TACC2: variants seen among roughly 807,000 people sequenced by gnomAD.
TACC2 encodes transforming acidic coiled-coil containing protein 2, also known as transforming acidic coiled-coil-containing protein 2.
In TACC2, 137 loss-of-function variants were observed where a neutral mutation model predicts 227.3. The ratio of observed to expected loss-of-function variants is 0.60; its 90% CI spans 0.52 to 0.69. The LOEUF (loss-of-function observed/expected upper bound fraction) is 0.69, where lower values mean the gene tolerates loss of function less well. Among genes scored for constraint, TACC2 ranks in the 30% least tolerant of loss-of-function variants. The pLI, the probability that TACC2 is intolerant of heterozygous loss-of-function variation, is 0.00. For synonymous variants in TACC2, 1,523 were observed against 1,487.5 expected (o/e 1.02, Z -0.55); for missense variants, 3,470 against 3,694.4 (o/e 0.94, Z 1.57).
At chr10:122,008,347 G>A (rs1425325275) in intron 1 of TACC2, among the ~76,000 whole-genome samples, 1 of 149,508 alleles carries the variant, frequency 6.7e-6, no homozygotes, top group Non-Finnish European at 1.5e-5. Context: ...GCAACCTCTC[G>A]CCTCCCAGGT....
chr10:122,215,300 C>T (rs549201016), intron 9 of TACC2, 91 bp from the exon 10 acceptor site: 9 of 1,212,034 alleles, frequency 7.4e-6, no homozygotes, highest in East Asian at 4.7e-5. Flanking sequence ...CAGATGGCTC[C>T]GCAGAGGCAG....
intron 3 of TACC2, among the ~76,000 whole-genome samples, chr10:122,057,748 C>T (rs2076352714): frequency 6.6e-6 from 1 of 152,034 alleles, no homozygotes; most frequent in Non-Finnish European, 1.5e-5. Context: ...GAGGCTTGAA[C>T]CCAGGAGGTG....
At chr10:122,148,819 C>T (rs542931753) in intron 7 of TACC2, among the ~76,000 whole-genome samples, 22 of 152,302 alleles carry the variant, frequency 1.4e-4, no homozygotes, top group South Asian at 6.2e-4. Context: ...ATCATTAGGC[C>T]GTAGGCCTTG....
intron 3 of TACC2, among the ~76,000 whole-genome samples, chr10:122,053,760 C>T (rs891601325): frequency 1.3e-5 from 2 of 152,230 alleles, no homozygotes; most frequent in Admixed American, 6.5e-5. Flanking sequence ...TCTCCACTCT[C>T]AGGCGCATTG....
In TACC2 at chr10:122,088,462, T is replaced by C; in HGVS notation, c.5460-16T>C. 1 of 1,599,362 alleles carries C rather than the reference T, an allele frequency of 6.3e-7. No individual in the cohort carries two copies. The highest frequency in any genetic ancestry group is 8.5e-7 in the Non-Finnish European group (1 of 1,172,290). On this transcript the variant is annotated splice_polypyrimidine_tract_variant and intron_variant, in intron 4 of 22. Transcript: ENST00000369005. ...ATCTACATTATCCTATTAATTGCTT[T>C]CTTTTATTATCCCAGAGAGAGCCCC...
At chr10:122,119,539 A>G (rs555571136) in intron 5 of TACC2, among the ~76,000 whole-genome samples, 11 of 152,208 alleles carry the variant, frequency 7.2e-5, no homozygotes, top group African/African-American at 2.4e-4. Flanking sequence ...TGCTGTTTTG[A>G]TCAGGAGGAC....
At position 122,211,131 on chromosome 10, in the gene TACC2, C is replaced by T. The variant is rs770625460; in HGVS notation, c.6706C>T (p.Leu2236Phe). Reference protein sequence around the residue: ...SPPVGRKTLPLTTAPEAGEVT... With the variant: ...SPPVGRKTLPFTTAPEAGEVT... ...CCCTGTCGGGAGGAAAACGCTGCCTCTTACCACGGCCCCGGAGGCAGGGGA... is the reference window on the plus strand; with the variant it reads ...CCCTGTCGGGAGGAAAACGCTGCCTTTTACCACGGCCCCGGAGGCAGGGGA... The change falls in exon 9 of 23, where the codon CTT (leucine) becomes TTT (phenylalanine). Residue 2236 changes from leucine (L) to phenylalanine (F), a missense_variant. Coordinates refer to ENST00000369005, the MANE Select transcript of TACC2 (RefSeq NM_206862.4). 6.2e-7 allele frequency: 1 copy of T among 1,609,376 alleles called. No homozygotes were observed. Among genetic ancestry groups the T allele is most frequent in the East Asian group, 2.2e-5 (1 of 44,824 alleles).
At chr10:122,019,499 A>G (rs938689732) in intron 1 of TACC2, among the ~76,000 whole-genome samples, 8 of 152,222 alleles carry the variant, frequency 5.3e-5, no homozygotes, top group Non-Finnish European at 8.8e-5. Flanking sequence ...GCTCCTTGCA[A>G]AGGACAGTTC....
At position 122,211,636 on chromosome 10, in the gene TACC2, C is replaced by G; in HGVS notation, c.7211C>G (p.Ala2404Gly). 6.2e-7 allele frequency: 1 copy of G among 1,611,346 alleles called. No individual in the cohort carries two copies. Among genetic ancestry groups the G allele is most frequent in the South Asian group, 1.1e-5 (1 of 90,584 alleles). The change falls in exon 9 of 23, where the codon GCT (alanine) becomes GGT (glycine). Residue 2404 changes from alanine to glycine, a missense_variant. Ala to Gly is a moderately conservative substitution (Grantham distance 60, BLOSUM62 0). Coordinates refer to ENST00000369005, the MANE Select transcript of TACC2 (RefSeq NM_206862.4). ...GCCTCCTTTGAGATCCCAGCCAGTG[C>G]TATGGAAGCCAATGGAGTGGACGGG... ...SPASFEIPAS[A>G]MEANGVDGDG...
chr10:122,230,582 A>C (rs1376243084), intron 16 of TACC2, 142 bp downstream of exon 16: 1 of 697,668 alleles, frequency 1.4e-6, no homozygotes, highest in Non-Finnish European at 2.5e-6. Flanking sequence ...TGAAAGCGTC[A>C]CTCTTGCATA....
intron 5 of TACC2, among the ~76,000 whole-genome samples, chr10:122,098,960 T>A (rs870092): frequency 0.27 from 41,559 of 152,098 alleles, 5,961 homozygotes; most frequent in East Asian, 0.5. Flanking sequence ...CCTTGTGGAA[T>A]CTAGGGCTTT....
intron 9 of TACC2, among the ~76,000 whole-genome samples, chr10:122,214,016 C>T (rs776216975): frequency 6.6e-6 from 1 of 152,152 alleles, no homozygotes; most frequent in Non-Finnish European, 1.5e-5. Flanking sequence ...TGCCACTTGT[C>T]AGTAGAAACA....
In TACC2 at chr10:122,082,662, G is replaced by A. The variant is rs1401814880; in HGVS notation, c.162G>A (p.Gly54=). Reference sequence around the variant, plus strand: ...ATATTTTCAGCATTGGCAGCGTTGGGCTTGGAGGCTTCTGCACCGCTTCTG... The same window carrying A: ...ATATTTTCAGCATTGGCAGCGTTGGACTTGGAGGCTTCTGCACCGCTTCTG... The part of the protein sequence containing the change: ...HRDASSIGSV[G]LGGFCTASES... Residue 54 remains glycine (G), a synonymous_variant, in exon 4 of 23, where the codon GGG becomes GGA. Coordinates refer to ENST00000369005, the MANE Select transcript of TACC2 (RefSeq NM_206862.4). 1 of 1,610,310 alleles carries A rather than the reference G, an allele frequency of 6.2e-7. No individual in the cohort carries two copies.
chr10:122,106,841 G>A (rs1000549412), intron 5 of TACC2, among the ~76,000 whole-genome samples: 13 of 152,222 alleles, frequency 8.5e-5, no homozygotes, highest in Admixed American at 2.6e-4. Context: ...TTAGTTCAGC[G>A]ACATCATTGA....
intron 2 of TACC2, among the ~76,000 whole-genome samples, chr10:122,049,917 C>T (rs1006702148): frequency 6.6e-5 from 10 of 152,136 alleles, no homozygotes; most frequent in Non-Finnish European, 2.9e-5. Flanking sequence ...GTGACCAACT[C>T]TCAGAGTGGT....
At chr10:122,154,261 C>G (rs562227051) in intron 7 of TACC2, among the ~76,000 whole-genome samples, 9 of 152,214 alleles carry the variant, frequency 5.9e-5, no homozygotes, top group African/African-American at 1.9e-4. Context: ...TGCTGCTGCT[C>G]GGACAAAGGA....
intron 5 of TACC2, among the ~76,000 whole-genome samples, chr10:122,129,265 C>T (rs1190892108): frequency 6.6e-6 from 1 of 151,850 alleles, no homozygotes; most frequent in East Asian, 1.9e-4. Flanking sequence ...ACCATGTTGG[C>T]CAGGCTCGTC....
chr10:122,219,222 C>T (rs1032988275), intron 11 of TACC2, among the ~76,000 whole-genome samples: 4 of 151,694 alleles, frequency 2.6e-5, no homozygotes, highest in African/African-American at 9.7e-5. Context: ...TCCCCCCACC[C>T]TCACTGCACT....
chr10:122,122,505 A>G (rs10668235), intron 5 of TACC2, among the ~76,000 whole-genome samples: 17,058 of 82,060 alleles, frequency 0.21, 1,076 homozygotes, highest in East Asian at 0.35. Flanking sequence ...TTTTTTTTTT[A>G]ATAGCTGAAG....
Sources: allele counts gnomAD v4.1 joint callset (sites outside exome capture counted in the v4.1 genomes callset), GRCh38; gene constraint gnomAD v4.1.1; transcripts MANE v1.5; gene names NCBI Gene and HGNC (gene_info 2026-07-23, HGNC 2026-07-21).